The following DLGAP3 variants were observed in gnomAD, a reference collection of about 807,000 sequenced individuals.
DLGAP3 encodes the protein DLG associated protein 3.
Under a neutral mutation model 81.2 loss-of-function variants are expected in DLGAP3, and 17 were observed. The ratio of observed to expected loss-of-function variants is 0.21; its 90% CI spans 0.14 to 0.31. DLGAP3 has a LOEUF of 0.31. Ranked by LOEUF, DLGAP3 falls within the 10% of genes least tolerant of loss-of-function variation. The pLI, the probability that DLGAP3 is intolerant of heterozygous loss-of-function variation, is 1.00. For synonymous variants in DLGAP3, 577 were observed against 587.4 expected (o/e 0.98, Z 0.26); for missense variants, 1,124 against 1,388.0 (o/e 0.81, Z 3.02).
chr1:34,886,375 T>C, intron 5 of DLGAP3, 90 bp from the exon 6 acceptor site: 1 of 1,237,840 alleles, frequency 8.1e-7, no homozygotes, highest in Non-Finnish European at 1.1e-6. Context: ...AAGACCTCTC[T>C]ATATCTGCAG....
chr1:34,907,157 T>A (rs1447603549), intron 2 of DLGAP3, among the ~76,000 whole-genome samples, 198 bp downstream of exon 2: 1 of 152,232 alleles, frequency 6.6e-6, no homozygotes, highest in African/African-American at 2.4e-5. Context: ...GTATTGTGCA[T>A]ACCTGATATT....
chr1:34,900,152 T>C lies in DLGAP3; in HGVS notation c.1229A>G (p.Asp410Gly). The C allele has an allele frequency of 6.2e-7, 1 of 1,614,026 alleles. No individual in the cohort carries two copies. The highest frequency in any genetic ancestry group is 8.5e-7 in the Non-Finnish European group (1 of 1,180,022). The change falls in exon 4 of 12, where the codon GAC becomes GGC. Residue 410 changes from aspartate (D) to glycine (G), a missense_variant. Physicochemically the swap from Asp to Gly is moderately conservative, Grantham distance 94. Around this residue, in one of 9 missense-constraint regions of DLGAP3, gnomAD observed 357 missense variants for 408.8 expected, o/e 0.87. Coordinates refer to ENST00000373347, the MANE Select transcript of DLGAP3 (RefSeq NM_001080418.3). This position sits in a 1 kb window ranked among gnomAD's most constrained non-coding sequence, Gnocchi z 5.6. ...TTTGGGAGATGTCTTGGGGCTGCCG[T>C]CTGAGTCTCCGCTCTCCTCATCCCC... ...AMGDEESGDS[D>G]GSPKTSPKAV...
intron 1 of DLGAP3, among the ~76,000 whole-genome samples, chr1:34,923,032 G>A (rs1330672726): frequency 6.6e-6 from 1 of 151,864 alleles, no homozygotes; most frequent in Non-Finnish European, 1.5e-5. Flanking sequence ...AGACAACCTG[G>A]GTAGGAGTAA....
chr1:34,897,285 G>A (rs1639393935), intron 5 of DLGAP3, among the ~76,000 whole-genome samples: 1 of 152,168 alleles, frequency 6.6e-6, no homozygotes, highest in Admixed American at 6.5e-5. Flanking sequence ...AGAAGAAGGA[G>A]AAAGAGCAGG....
intron 8 of DLGAP3, among the ~76,000 whole-genome samples, chr1:34,871,382 C>G (rs898104049): frequency 2.6e-5 from 4 of 152,176 alleles, no homozygotes; most frequent in Admixed American, 2.0e-4. Flanking sequence ...CTCCTTAAGT[C>G]CTGTTTTACC....
At chr1:34,899,209 C>T (rs1487112488) in intron 5 of DLGAP3, among the ~76,000 whole-genome samples, 1 of 151,866 alleles carries the variant, frequency 6.6e-6, no homozygotes, top group African/African-American at 2.4e-5. Flanking sequence ...GCTGGGACTA[C>T]AGGCACCCGC....
rs914717518 is a variant in DLGAP3, at chr1:34,895,334, C to T, written c.1386+4335G>A. 2.0e-5 allele frequency among the ~76,000 whole-genome samples: 3 copies of T among 150,032 alleles called. No homozygotes were observed. Among genetic ancestry groups the T allele is most frequent in the African/African-American group, 4.9e-5 (2 of 40,734 alleles). ...AGTGAGCCGAGATCATGCCACTGCACTCCTACCTGGGCGACAGAGCGAGAC... is the reference window on the plus strand; with the variant it reads ...AGTGAGCCGAGATCATGCCACTGCATTCCTACCTGGGCGACAGAGCGAGAC... On this transcript the variant is annotated intron_variant, in intron 5 of 11. Transcript: ENST00000373347. The surrounding 1 kb of genome is among the most constrained non-coding windows in gnomAD (Gnocchi z 4.5).
In DLGAP3 at chr1:34,927,070, C is replaced by A. The variant is rs77915866; in HGVS notation, c.-135+2381G>T. Among the ~76,000 whole-genome samples, 1,170 of 152,204 alleles carry A rather than the reference C, an allele frequency of 7.7e-3. 13 individuals are homozygous for A. The highest frequency in any genetic ancestry group is 0.027 in the African/African-American group (1,133 of 41,538). ...GCCTGTAGCAGCTCCAGCCCCTCAC[C>A]AGCAGGAATCAAGACAAGACAAGCC... On this transcript the variant is annotated intron_variant, in intron 1 of 11. Transcript: ENST00000373347.
At position 34,896,889 on chromosome 1, in the gene DLGAP3, AG is replaced by A. The variant is rs576675793; in HGVS notation, c.1386+2779del. 6.9e-3 allele frequency among the ~76,000 whole-genome samples: 1,052 copies of A among 152,260 alleles called. 3 individuals carry two copies. The highest frequency in any genetic ancestry group is 0.023 in the African/African-American group (968 of 41,538). ...AAATAAGATGACAGAAATAAACCCAAGGGTTAGGGCTAGGGTCATCACACTA... is the reference window on the plus strand; with the variant it reads ...AAATAAGATGACAGAAATAAACCCAAGGTTAGGGCTAGGGTCATCACACTA... On this transcript the variant is annotated intron_variant, in intron 5 of 11. Transcript: ENST00000373347.
intron 5 of DLGAP3, among the ~76,000 whole-genome samples, chr1:34,897,393 G>T (rs947874551): frequency 2.0e-4 from 31 of 152,306 alleles, no homozygotes; most frequent in African/African-American, 7.2e-4. Flanking sequence ...AGGGCATTTG[G>T]GAAAAGACCT....
At position 34,867,747 on chromosome 1, in the gene DLGAP3, C is replaced by T; in HGVS notation, c.2486-120G>A. The T allele has an allele frequency of 3.8e-6, 3 of 797,606 alleles. No homozygotes were observed. Among genetic ancestry groups the T allele is most frequent in the Non-Finnish European group, 6.5e-6 (3 of 461,194 alleles). The allele number at this position is 797,606 out of a possible 1,614,324, so 49.4% of individuals were successfully genotyped here. Reference sequence around the variant, plus strand: ...CTTGGCACTGTGTATCCATCAGTCTCCTCCAGCCCCAGCCCCATCCCATCC... The same window carrying T: ...CTTGGCACTGTGTATCCATCAGTCTTCTCCAGCCCCAGCCCCATCCCATCC... On this transcript the variant is annotated intron_variant, in intron 9 of 11. Coordinates refer to ENST00000373347, the MANE Select transcript of DLGAP3 (RefSeq NM_001080418.3). The surrounding 1 kb of genome is among the most constrained non-coding windows in gnomAD (Gnocchi z 4.3).
At position 34,866,011 on chromosome 1, in the gene DLGAP3, T is replaced by G; in HGVS notation, c.*72A>C. On this transcript the variant is annotated 3_prime_UTR_variant, in exon 12 of 12. Transcript: ENST00000373347. ...CGCACGGGGCGGCCCGCGTTCACAGTGACCTCGACGCTGGGTGTACAGTAC... is the reference window on the plus strand; with the variant it reads ...CGCACGGGGCGGCCCGCGTTCACAGGGACCTCGACGCTGGGTGTACAGTAC... 2.2e-6 allele frequency: 3 copies of G among 1,353,212 alleles called. No homozygotes were observed. The highest frequency in any genetic ancestry group is 2.0e-6 in the Non-Finnish European group (2 of 985,998). The allele number at this position is 1,353,212 out of a possible 1,614,324, so 83.8% of individuals were successfully genotyped here.
chr1:34,869,090 C>T lies in DLGAP3; in HGVS notation c.2001-1G>A. 6.3e-7 allele frequency: 1 copy of T among 1,585,438 alleles called. No individual in the cohort carries two copies. Among genetic ancestry groups the T allele is most frequent in the Non-Finnish European group, 8.5e-7 (1 of 1,170,028 alleles). Reference sequence around the variant, plus strand: ...ATTGGAGCGCTTGAACCTTGCTCGCCTGGGGAGAGGGGTGGCTGTCATCCC... The same window carrying T: ...ATTGGAGCGCTTGAACCTTGCTCGCTTGGGGAGAGGGGTGGCTGTCATCCC... On this transcript the variant is annotated splice_acceptor_variant, in intron 8 of 11. Coordinates refer to ENST00000373347, the MANE Select transcript of DLGAP3 (RefSeq NM_001080418.3). LOFTEE classifies it high-confidence loss of function.
At chr1:34,923,512 G>A (rs2148421635) in intron 1 of DLGAP3, among the ~76,000 whole-genome samples, 1 of 152,270 alleles carries the variant, frequency 6.6e-6, no homozygotes, top group South Asian at 2.1e-4. Flanking sequence ...ATCAGGAAGA[G>A]CAGGACTCTC....
chr1:34,895,481 A>C lies in DLGAP3; in HGVS notation c.1386+4188T>G, dbSNP rs1318056727. Among the ~76,000 whole-genome samples, 2 of 152,156 alleles carry C rather than the reference A, an allele frequency of 1.3e-5. No individual in the cohort carries two copies. Among genetic ancestry groups the C allele is most frequent in the Non-Finnish European group, 2.9e-5 (2 of 68,020 alleles). On this transcript the variant is annotated intron_variant, in intron 5 of 11. Coordinates refer to ENST00000373347, the MANE Select transcript of DLGAP3 (RefSeq NM_001080418.3). This position sits in a 1 kb window ranked among gnomAD's most constrained non-coding sequence, Gnocchi z 4.5. ...CAATATTCAAGGATAATAATACTTA[A>C]TATTGTTAAGAATACAATACTCCAT...
At chr1:34,880,016 AAAATGT>A (rs1168196990) in intron 8 of DLGAP3, among the ~76,000 whole-genome samples, 1 of 152,198 alleles carries the variant, frequency 6.6e-6, no homozygotes, top group East Asian at 1.9e-4. Flanking sequence ...AAAGACGAAT[AAAATGT>A]AAGTTTCAAC....
At chr1:34,905,523 G>C (rs557591941) in intron 2 of DLGAP3, 89 bp from the exon 3 acceptor site, 1 of 873,758 alleles carries the variant, frequency 1.1e-6, no homozygotes, top group Non-Finnish European at 1.7e-6. Context: ...ATCCCTTTAG[G>C]TAATACATAT....
Position 34,904,811 on chromosome 1 carries a change from C to G in DLGAP3, c.573G>C (p.Gly191=). The change falls in exon 3 of 12, where the codon GGG becomes GGC. Residue 191 remains glycine (G), a synonymous_variant. Coordinates refer to ENST00000373347, the MANE Select transcript of DLGAP3 (RefSeq NM_001080418.3). The surrounding 1 kb of genome is among the most constrained non-coding windows in gnomAD (Gnocchi z 8.1). ...CCTTGGGCCCATTATAGTCCCGCTT[C>G]CCCGGCGCCTCCAGAGAGTGGGACT... ...FAKSHSLEAP[G]KRDYNGPKAE... 6.2e-7 allele frequency: 1 copy of G among 1,610,286 alleles called. No homozygotes were observed. The highest frequency in any genetic ancestry group is 1.3e-5 in the African/African-American group (1 of 75,068).
In DLGAP3 at chr1:34,885,700, G is replaced by C. The variant is rs983860925; in HGVS notation, c.1692C>G (p.Ser564=). The C allele has an allele frequency of 9.9e-6, 14 of 1,417,098 alleles. No individual in the cohort carries two copies. Among genetic ancestry groups the C allele is most frequent in the Admixed American group, 3.2e-5 (1 of 31,084 alleles). The allele number at this position is 1,417,098 out of a possible 1,614,324, so 87.8% of individuals were successfully genotyped here. ...ISITAQSSTD[S]AHESFTAAEG... ...CGGCCGCCGTGAAGCTCTCGTGCGCGGAGTCGGTGCTGCTCTGGGCGGTGA... is the reference window on the plus strand; with the variant it reads ...CGGCCGCCGTGAAGCTCTCGTGCGCCGAGTCGGTGCTGCTCTGGGCGGTGA... The change falls in exon 7 of 12, where the codon TCC becomes TCG. Residue 564 remains serine (S), a synonymous_variant. Transcript: ENST00000373347.
Sources: allele counts gnomAD v4.1 joint callset (sites outside exome capture counted in the v4.1 genomes callset), GRCh38; gene constraint gnomAD v4.1.1; regional missense constraint gnomAD v4.1.1; non-coding constraint Gnocchi (gnomAD v3.1); transcripts MANE v1.5; gene names NCBI Gene and HGNC (gene_info 2026-07-23, HGNC 2026-07-21).